The following MLLT1 variants were observed in gnomAD, a reference collection of about 807,000 sequenced individuals.
MLLT1 encodes the protein protein ENL.
In MLLT1, 11 loss-of-function variants were observed where a neutral mutation model predicts 55.1. The observed-to-expected ratio is 0.20, with a 90% CI of 0.13 to 0.33. The LOEUF is 0.33. Ranked by LOEUF, MLLT1 falls within the 10% of genes least tolerant of loss-of-function variation. The pLI is 1.00. For synonymous variants in MLLT1, 323 were observed against 320.1 expected (o/e 1.01, Z -0.10); for missense variants, 536 against 760.6 (o/e 0.70, Z 3.47).
rs1305192895 is a variant in MLLT1 at position 6,210,764 on chromosome 19, C to A, written c.*2278G>T. On this transcript the variant is annotated 3_prime_UTR_variant, in exon 12 of 12. Coordinates refer to ENST00000252674, the MANE Select transcript of MLLT1 (RefSeq NM_005934.4). The surrounding 1 kb of genome is among the most constrained non-coding windows in gnomAD (Gnocchi z 4.6). The stretch of plus-strand genomic sequence containing the variant: ...GAAGTGTCCCCAGAGCCCTCGTGGG[C>A]CCAGCCGCCGGGCAGCTGGGGTGGG... 9 of 229,816 alleles carry A rather than the reference C, an allele frequency of 3.9e-5. No individual in the cohort carries two copies. The highest frequency in any genetic ancestry group is 6.9e-5 in the Non-Finnish European group (8 of 116,006). 14.2% of individuals were successfully genotyped at this position (229,816 alleles called of 1,614,324 possible).
chr19:6,232,316 G>A (rs529665655), intron 3 of MLLT1, among the ~76,000 whole-genome samples: 60 of 152,268 alleles, frequency 3.9e-4, no homozygotes, highest in South Asian at 1.7e-3. Flanking sequence ...GCTTGACAAG[G>A]GTGACGACAC....
At chr19:6,245,880 G>A (rs564797989) in intron 3 of MLLT1, among the ~76,000 whole-genome samples, 12 of 151,908 alleles carry the variant, frequency 7.9e-5, no homozygotes, top group South Asian at 2.1e-4. Flanking sequence ...CAGCCTAAGC[G>A]ACACAGTAAG....
At chr19:6,254,877 CTT>C (rs1326218842) in intron 3 of MLLT1, among the ~76,000 whole-genome samples, 2 of 151,122 alleles carry the variant, frequency 1.3e-5, no homozygotes, top group African/African-American at 4.9e-5. Flanking sequence ...AAGGAAAAGA[CTT>C]TGACGAAAGA....
At position 6,229,585 on chromosome 19, in the gene MLLT1, ACAC is replaced by A. The variant is rs1428856743; in HGVS notation, c.420+982_420+984del. 1.3e-5 allele frequency among the ~76,000 whole-genome samples: 2 copies of A among 151,404 alleles called. No individual in the cohort carries two copies. The highest frequency in any genetic ancestry group is 2.9e-5 in the Non-Finnish European group (2 of 67,946). ...ACACGTCACACCATACGTGCGTGAC[ACAC>A]CACACACTTCCCGCAAGTGACACGA... On this transcript the variant is annotated intron_variant, in intron 4 of 11. Transcript: ENST00000252674. The surrounding 1 kb of genome is among the most constrained non-coding windows in gnomAD (Gnocchi z 5.2).
rs78639302 is a variant in MLLT1, at chr19:6,278,404, G to C, written c.12+1369C>G. On this transcript the variant is annotated intron_variant, in intron 1 of 11. Coordinates refer to ENST00000252674, the MANE Select transcript of MLLT1 (RefSeq NM_005934.4). ...ATGAGAACCAACACAGACCAATGGG[G>C]AGGGGCCGTCCAGAGCGTTTAGGGA... Among the ~76,000 whole-genome samples, 1,458 of 149,228 alleles carry C rather than the reference G, an allele frequency of 9.8e-3. 21 individuals carry two copies. Among genetic ancestry groups the C allele is most frequent in the African/African-American group, 0.033 (1,341 of 40,792 alleles).
intron 3 of MLLT1, among the ~76,000 whole-genome samples, chr19:6,260,541 C>T (rs886961120): frequency 7.2e-5 from 11 of 152,272 alleles, no homozygotes; most frequent in African/African-American, 2.7e-4. Context: ...GCCCCACCTG[C>T]CTCCGAATCC....
At chr19:6,258,968 G>A (rs930179386) in intron 3 of MLLT1, among the ~76,000 whole-genome samples, 10 of 152,198 alleles carry the variant, frequency 6.6e-5, no homozygotes, top group African/African-American at 1.7e-4. Flanking sequence ...TACACCTGCT[G>A]TCTCCCTCTT....
rs1568277900 is a variant in MLLT1, at chr19:6,222,761, C to T, written c.547-77G>A. On this transcript the variant is annotated intron_variant, in intron 5 of 11. Transcript: ENST00000252674. The surrounding 1 kb of genome is among the most constrained non-coding windows in gnomAD (Gnocchi z 4.1). Reference sequence around the variant, plus strand: ...TTGCGGGGCGCCCTGCTCCGCCACCCCTGACCCCTACAAAGCATAATCCAC... The same window carrying T: ...TTGCGGGGCGCCCTGCTCCGCCACCTCTGACCCCTACAAAGCATAATCCAC... The T allele has an allele frequency of 1.6e-6, 2 of 1,247,430 alleles. No individual in the cohort carries two copies. The highest frequency in any genetic ancestry group is 1.5e-5 in the African/African-American group (1 of 65,904). The allele number at this position is 1,247,430 out of a possible 1,614,324, so 77.3% of individuals were successfully genotyped here.
chr19:6,261,509 C>T (rs894433544), intron 3 of MLLT1, among the ~76,000 whole-genome samples: 1 of 152,068 alleles, frequency 6.6e-6, no homozygotes, highest in Non-Finnish European at 1.5e-5. Context: ...GCCTCCATGC[C>T]GGGCCAGCTG....
At chr19:6,268,982 C>T (rs942562998) in intron 2 of MLLT1, among the ~76,000 whole-genome samples, 2 of 152,186 alleles carry the variant, frequency 1.3e-5, no homozygotes, top group South Asian at 2.1e-4. Context: ...TGGAAATCAG[C>T]GTCCGGGGCC....
intron 8 of MLLT1, among the ~76,000 whole-genome samples, chr19:6,216,080 C>G (rs542572199): frequency 6.6e-6 from 1 of 152,140 alleles, no homozygotes; most frequent in African/African-American, 2.4e-5. Context: ...CCCCTCCCCC[C>G]ACCTCCAGCC....
At chr19:6,232,963 G>A (rs147965945) in intron 3 of MLLT1, among the ~76,000 whole-genome samples, 58 of 152,280 alleles carry the variant, frequency 3.8e-4, no homozygotes, top group Middle Eastern at 3.4e-3. Flanking sequence ...TGAGAAGCTC[G>A]AGACATCACA....
rs1478123422 is a variant in MLLT1 at position 6,226,304 on chromosome 19, C to T, written c.546+673G>A. Among the ~76,000 whole-genome samples, 1 of 152,150 alleles carries T rather than the reference C, an allele frequency of 6.6e-6. No individual in the cohort carries two copies. The highest frequency in any genetic ancestry group is 2.4e-5 in the African/African-American group (1 of 41,428). On this transcript the variant is annotated intron_variant, in intron 5 of 11. Coordinates refer to ENST00000252674, the MANE Select transcript of MLLT1 (RefSeq NM_005934.4). The surrounding 1 kb of genome is among the most constrained non-coding windows in gnomAD (Gnocchi z 6.3). Reference sequence around the variant, plus strand: ...AGTGGGCAGCTACAGAGGACTGGGGCGTGCTCAGGGGTTAAAGGGACACTG... The same window carrying T: ...AGTGGGCAGCTACAGAGGACTGGGGTGTGCTCAGGGGTTAAAGGGACACTG...
In MLLT1 at chr19:6,256,753, C is replaced by CAAAAT. The variant is rs1004529730; in HGVS notation, c.276+5470_276+5474dup. Among the ~76,000 whole-genome samples the CAAAAT allele has an allele frequency of 5.1e-4, 78 of 152,106 alleles. No homozygotes were observed. Among genetic ancestry groups the CAAAAT allele is most frequent in the Admixed American group, 1.5e-3 (23 of 15,276 alleles). On this transcript the variant is annotated intron_variant, in intron 3 of 11. Transcript: ENST00000252674. The surrounding 1 kb of genome is among the most constrained non-coding windows in gnomAD (Gnocchi z 4.1). ...TGGGCGACAGAGCCAGACTCCGTCTCAAAATAAAATAAAATAAAATAAAAA... is the reference window on the plus strand; with the variant it reads ...TGGGCGACAGAGCCAGACTCCGTCTCAAAATAAAATAAAATAAAATAAAATAAAAA...
chr19:6,222,347 G>T lies in MLLT1; in HGVS notation c.884C>A (p.Pro295His). The T allele has an allele frequency of 6.5e-7, 1 of 1,526,926 alleles. No individual in the cohort carries two copies. 94.6% of individuals were successfully genotyped at this position (1,526,926 alleles called of 1,614,324 possible). A position where few individuals can be genotyped will look rare whatever the true frequency, so the allele number is the denominator to read the frequency against. ...GCTCTTCTTCTGCTTCTTGGCGCTG[G>T]GCTTTGGCGAGTCGGCGGTGGCCGG... ...KRPATADSPK[P>H]SAKKQKKSSS... Residue 295 changes from proline (P) to histidine (H), a missense_variant, in exon 6 of 12, where the codon CCC (proline) becomes CAC (histidine). Physicochemically the swap from Pro to His is moderately conservative, Grantham distance 77. Transcript: ENST00000252674. This position sits in a 1 kb window ranked among gnomAD's most constrained non-coding sequence, Gnocchi z 4.1.
At chr19:6,238,551 C>G (rs1030590141) in intron 3 of MLLT1, among the ~76,000 whole-genome samples, 2 of 152,214 alleles carry the variant, frequency 1.3e-5, no homozygotes, top group African/African-American at 4.8e-5. Context: ...TTTACGTCAT[C>G]TATATTAGAA....
intron 1 of MLLT1, among the ~76,000 whole-genome samples, chr19:6,278,010 A>G (rs1289911092): frequency 6.6e-6 from 1 of 152,154 alleles, no homozygotes; most frequent in African/African-American, 2.4e-5. Context: ...GGGTGCCAGA[A>G]GCATGAGACA....
chr19:6,245,448 C>T (rs768166744), intron 3 of MLLT1, among the ~76,000 whole-genome samples: 2 of 151,322 alleles, frequency 1.3e-5, no homozygotes, highest in African/African-American at 2.4e-5. Flanking sequence ...CAGTGGCTCA[C>T]GCCTGTAAAC....
At chr19:6,236,251 C>A (rs945017881) in intron 3 of MLLT1, among the ~76,000 whole-genome samples, 1 of 152,188 alleles carries the variant, frequency 6.6e-6, no homozygotes, top group Non-Finnish European at 1.5e-5. Context: ...ACAGTGTCTG[C>A]AGAGCGCTGA....
Sources: allele counts gnomAD v4.1 joint callset (sites outside exome capture counted in the v4.1 genomes callset), GRCh38; gene constraint gnomAD v4.1.1; non-coding constraint Gnocchi (gnomAD v3.1); transcripts MANE v1.5; gene names NCBI Gene and HGNC (gene_info 2026-07-23, HGNC 2026-07-21).